The following ANK1 variants were observed in gnomAD, a reference collection of about 807,000 sequenced individuals.
ANK1 encodes the protein ankyrin 1.
ANK1 carries 51 observed loss-of-function variants against 210.4 expected under a neutral mutation model. The ratio of observed to expected loss-of-function variants is 0.24; its 90% CI spans 0.19 to 0.31. The LOEUF is 0.31. Ranked by LOEUF, ANK1 falls within the 10% of genes least tolerant of loss-of-function variation. ANK1 has a pLI of 1.00. For missense variants in ANK1, 2,051 were observed against 2,504.4 expected (o/e 0.82, Z 3.86); for synonymous variants, 967 against 1,025.9 (o/e 0.94, Z 1.10).
chr8:41,896,596 C>G (rs566343437), exon 1 of ANK1: 1 of 1,313,756 alleles, frequency 7.6e-7, no homozygotes, highest in Admixed American at 3.7e-5. Flanking sequence ...GGACAGCGTT[C>G]GTGGCGCCCC....
In ANK1 at chr8:41,718,217, C is replaced by T. The variant is rs776240118; in HGVS notation, c.1108-13G>A. 9 of 1,612,062 alleles carry T rather than the reference C, an allele frequency of 5.6e-6. No homozygotes were observed. Among genetic ancestry groups the T allele is most frequent in the Non-Finnish European group, 7.6e-6 (9 of 1,178,816 alleles). On this transcript the variant is annotated splice_polypyrimidine_tract_variant and intron_variant, in intron 10 of 42. Coordinates refer to ENST00000289734, the MANE Select transcript of ANK1 (RefSeq NM_000037.4). ...GGGTAAAGCCATTCTGCAGCCCACA[C>T]AAAGGGAGACAGACAAGCAGGAGCT...
At chr8:41,739,047 A>G (rs1013504859) in intron 2 of ANK1, among the ~76,000 whole-genome samples, 3 of 152,232 alleles carry the variant, frequency 2.0e-5, no homozygotes, top group Non-Finnish European at 2.9e-5. Flanking sequence ...CCAGTTCGCT[A>G]GAGTCTTTTT....
intron 15 of ANK1, 33 bp downstream of exon 15, chr8:41,714,943 A>C: frequency 4.4e-6 from 7 of 1,603,190 alleles, no homozygotes; most frequent in Non-Finnish European, 5.1e-6. Context: ...CTCTAACCTG[A>C]GAGCTGCAGG....
chr8:41,757,778 C>T (rs1277518048), intron 2 of ANK1, among the ~76,000 whole-genome samples: 1 of 152,226 alleles, frequency 6.6e-6, no homozygotes, highest in Non-Finnish European at 1.5e-5. Flanking sequence ...GAATCAATTG[C>T]AACTTCTAAG....
At chr8:41,892,534 C>T (rs1819656375) in intron 1 of ANK1, among the ~76,000 whole-genome samples, 1 of 152,226 alleles carries the variant, frequency 6.6e-6, no homozygotes, top group African/African-American at 2.4e-5. Context: ...TCTAAAATCA[C>T]TTGACATTTA....
In ANK1 at chr8:41,719,864, TA is replaced by T; in HGVS notation, c.910-7del. The T allele has an allele frequency of 1.2e-6, 2 of 1,614,098 alleles. No homozygotes were observed. The highest frequency in any genetic ancestry group is 1.7e-6 in the Non-Finnish European group (2 of 1,180,020). On this transcript the variant is annotated splice_region_variant and splice_polypyrimidine_tract_variant and intron_variant, in intron 9 of 42. Coordinates refer to ENST00000289734, the MANE Select transcript of ANK1 (RefSeq NM_000037.4). ...TGAATTGGGGACAGGCCGTTCTGGG[TA>T]AAGAGGAAAACACAAGCAATCACAA... is the stretch of plus-strand genomic sequence containing the variant.
At chr8:41,859,775 C>T (rs759298313) in intron 1 of ANK1, among the ~76,000 whole-genome samples, 19 of 152,366 alleles carry the variant, frequency 1.2e-4, no homozygotes, top group Non-Finnish European at 2.5e-4. Flanking sequence ...GGGTTATGAA[C>T]TGCCTGTCTT....
intron 2 of ANK1, among the ~76,000 whole-genome samples, chr8:41,745,347 G>A (rs966216767): frequency 3.3e-5 from 5 of 152,194 alleles, no homozygotes; most frequent in African/African-American, 9.7e-5. Context: ...TTTGGATGGT[G>A]TACACTGGAC....
intron 37 of ANK1, among the ~76,000 whole-genome samples, chr8:41,679,124 T>A (rs902729793): frequency 4.6e-5 from 7 of 152,236 alleles, no homozygotes; most frequent in Middle Eastern, 3.2e-3. Context: ...CAACTCTGGG[T>A]CAGTTTCAAT....
intron 1 of ANK1, among the ~76,000 whole-genome samples, chr8:41,884,973 G>A (rs547485602): frequency 6.6e-6 from 1 of 152,228 alleles, no homozygotes; most frequent in Non-Finnish European, 1.5e-5. Context: ...GAGGCACAGT[G>A]GTCGGGGAAG....
intron 37 of ANK1, among the ~76,000 whole-genome samples, chr8:41,674,545 T>A (rs1383429398): frequency 6.6e-6 from 1 of 152,176 alleles, no homozygotes; most frequent in Non-Finnish European, 1.5e-5. Context: ...CCATGACCAC[T>A]GAAGAGCTCT....
intron 1 of ANK1, among the ~76,000 whole-genome samples, chr8:41,849,769 C>G (rs1004693833): frequency 1.3e-5 from 2 of 152,232 alleles, no homozygotes; most frequent in Non-Finnish European, 2.9e-5. Context: ...GATCTCTCAG[C>G]TCCTTTCGTC....
intron 29 of ANK1, among the ~76,000 whole-genome samples, chr8:41,693,673 C>T (rs915045467): frequency 1.3e-5 from 2 of 152,110 alleles, no homozygotes; most frequent in Admixed American, 1.3e-4. Context: ...GATCCACCCG[C>T]CTTGGCATCC....
chr8:41,674,612 G>A (rs770235686), intron 37 of ANK1, among the ~76,000 whole-genome samples: 16 of 152,336 alleles, frequency 1.1e-4, no homozygotes, highest in Middle Eastern at 6.8e-3. Context: ...CACATTCAGT[G>A]GAACTGCAAT....
intron 1 of ANK1, among the ~76,000 whole-genome samples, chr8:41,891,170 A>T (rs1305036446): frequency 6.6e-6 from 1 of 152,236 alleles, no homozygotes; most frequent in African/African-American, 2.4e-5. Flanking sequence ...GGTGTTGCCA[A>T]AGCAGACACA....
intron 2 of ANK1, among the ~76,000 whole-genome samples, chr8:41,742,819 C>T (rs1406471967): frequency 2.0e-5 from 3 of 152,128 alleles, no homozygotes; most frequent in African/African-American, 7.2e-5. Context: ...AAAGAAATGC[C>T]TAGATGCTTT....
Position 41,692,778 on chromosome 8 carries a change from A to G in ANK1, c.3728T>C (p.Val1243Ala), listed in dbSNP as rs769668519. Residue 1243 changes from valine (V) to alanine (A), a missense_variant, in exon 31 of 43, where the codon GTC (valine) becomes GCC (alanine). Val to Ala is a moderately conservative substitution (Grantham distance 64). This residue lies in a region of ANK1 where 1,413 missense variants were observed against 1,707.4 expected (regional missense o/e 0.83). Coordinates refer to ENST00000289734, the MANE Select transcript of ANK1 (RefSeq NM_000037.4). The part of the protein sequence containing the change: ...LTAVPYMAKF[V>A]IFAKMNDPRE... Reference sequence around the variant, plus strand: ...GGGGTCATTCATCTTGGCAAAGATGACGAATTTGGCCATGTAGGGCACTGC... The same window carrying G: ...GGGGTCATTCATCTTGGCAAAGATGGCGAATTTGGCCATGTAGGGCACTGC... 1 of 1,613,872 alleles carries G rather than the reference A, an allele frequency of 6.2e-7. No homozygotes were observed.
At chr8:41,797,696 C>T (rs1032325934), upstream of ANK1, 3 of 1,173,758 alleles carry the variant, frequency 2.6e-6, no homozygotes, top group Non-Finnish European at 3.4e-6. The surrounding 1 kb of genome is among the most constrained non-coding windows in gnomAD (Gnocchi z 4.0). Context: ...TCGGGCCGGG[C>T]GCTCCCGGCA....
chr8:41,823,010 T>A (rs1019225037), intron 1 of ANK1, among the ~76,000 whole-genome samples: 1 of 152,192 alleles, frequency 6.6e-6, no homozygotes, highest in Non-Finnish European at 1.5e-5. Flanking sequence ...AACGCCTACA[T>A]GACAGGCTGC....
Sources: gnomAD v4.1 joint callset for allele counts (sites outside exome capture counted in the v4.1 genomes callset) on GRCh38, gnomAD v4.1.1 for gene constraint, gnomAD v4.1.1 regional missense constraint, Gnocchi (gnomAD v3.1) non-coding constraint, MANE v1.5 for transcripts, NCBI Gene and HGNC (gene_info 2026-07-23, HGNC 2026-07-21) for gene names.